MFN2: variants seen among roughly 807,000 people sequenced by gnomAD.
MFN2 encodes mitofusin 2, also known as mitofusin-2.
Under a neutral mutation model 87.5 loss-of-function variants are expected in MFN2, and 43 were observed. The observed-to-expected ratio is 0.49, with a 90% CI of 0.38 to 0.63. MFN2 has a LOEUF of 0.63. Among genes scored for constraint, MFN2 ranks in the 30% least tolerant of loss-of-function variants. The pLI, the probability that MFN2 is intolerant of heterozygous loss-of-function variation, is 0.00. For synonymous variants in MFN2, 337 were observed against 359.9 expected (o/e 0.94, Z 0.72); for missense variants, 743 against 972.8 (o/e 0.76, Z 3.14).
chr1:11,985,541 A>G (rs1638365249), intron 2 of MFN2, among the ~76,000 whole-genome samples: 1 of 141,806 alleles, frequency 7.1e-6, no homozygotes, highest in African/African-American at 2.7e-5. Context: ...ATCTTGGCTC[A>G]CTGCAAATTC....
intron 17 of MFN2, among the ~76,000 whole-genome samples, chr1:12,008,347 T>C (rs1292327974): frequency 6.7e-6 from 1 of 149,638 alleles, no homozygotes; most frequent in Non-Finnish European, 1.5e-5. Flanking sequence ...GCCCCCCACC[T>C]CCCGGATGGG....
intron 14 of MFN2, 60 bp from the exon 15 acceptor site, chr1:12,005,651 G>A: frequency 6.6e-7 from 1 of 1,525,106 alleles, no homozygotes; most frequent in Non-Finnish European, 9.1e-7. Flanking sequence ...TCCAAGGCTT[G>A]GTGCCGCTGT....
chr1:12,009,181 G>C (rs1013484473), intron 17 of MFN2, among the ~76,000 whole-genome samples: 1 of 152,168 alleles, frequency 6.6e-6, no homozygotes, highest in African/African-American at 2.4e-5. Flanking sequence ...GCATCAGAGG[G>C]AGACCGTGGA....
At chr1:12,009,501 G>A (rs772303591) in intron 17 of MFN2, 91 bp from the exon 18 acceptor site, 74 of 1,574,134 alleles carry the variant, frequency 4.7e-5, no homozygotes, top group Non-Finnish European at 6.1e-5. Context: ...GATATAGACA[G>A]GCCCAGCTGC....
rs188643967 is a variant in MFN2, at chr1:12,013,335, C to T, written c.*1770C>T. 30 of 470,886 alleles carry T rather than the reference C, an allele frequency of 6.4e-5. No individual in the cohort carries two copies. Among genetic ancestry groups the T allele is most frequent in the African/African-American group, 5.4e-4 (27 of 50,130 alleles). 29.2% of individuals were successfully genotyped at this position (470,886 alleles called of 1,614,324 possible). A position where few individuals can be genotyped will look rare whatever the true frequency, so the allele number is the denominator to read the frequency against. ...AGACCCTTTCTGAAAGAAGTATGGCCAAAAGCACTTTAATGCTGCTGACAT... is the reference window on the plus strand; with the variant it reads ...AGACCCTTTCTGAAAGAAGTATGGCTAAAAGCACTTTAATGCTGCTGACAT... On this transcript the variant is annotated 3_prime_UTR_variant, in exon 19 of 19. Transcript: ENST00000235329.
rs536007087 is a variant in MFN2 at position 11,997,386 on chromosome 1, C to T, written c.564C>T (p.Cys188=). 1.1e-4 allele frequency: 184 copies of T among 1,614,166 alleles called. 2 individuals are homozygous for T. The South Asian group carries it at 1.9e-3, about 16-fold the overall frequency. The part of the protein sequence containing the change: ...LVSVMWPNSK[C]PLLKDDLVLM... ...GTGTGATGTGGCCCAACTCTAAGTG[C>T]CCACTTCTGAAGGATGACCTCGTTT... The change falls in exon 6 of 19, where the codon TGC becomes TGT. Residue 188 remains cysteine, a synonymous_variant. Transcript: ENST00000235329.
intron 1 of MFN2, 101 bp downstream of exon 1, chr1:11,980,585 G>A (rs74371876): frequency 0.012 from 4,933 of 396,952 alleles, 229 homozygotes; most frequent in African/African-American, 0.091. Flanking sequence ...GGGCCACGGG[G>A]GTCTGGGATG....
chr1:11,995,108 C>T (rs780421567), intron 4 of MFN2, among the ~76,000 whole-genome samples: 3 of 151,734 alleles, frequency 2.0e-5, no homozygotes, highest in South Asian at 4.2e-4. Flanking sequence ...TGGGCGTGGT[C>T]GCAGCTATAG....
chr1:12,005,323 T>C (rs1011094556), intron 14 of MFN2, among the ~76,000 whole-genome samples: 1 of 152,228 alleles, frequency 6.6e-6, no homozygotes, highest in Non-Finnish European at 1.5e-5. Context: ...CCTCAAGTGA[T>C]CTATCTGCCT....
intron 17 of MFN2, among the ~76,000 whole-genome samples, chr1:12,009,080 G>C (rs987263535): frequency 3.3e-5 from 5 of 152,214 alleles, no homozygotes; most frequent in Admixed American, 6.5e-5. Context: ...CGCGCCTGCA[G>C]TCGCAGGCAC....
intron 11 of MFN2, among the ~76,000 whole-genome samples, chr1:12,002,661 C>T (rs1639230129): frequency 6.6e-6 from 1 of 152,206 alleles, no homozygotes; most frequent in African/African-American, 2.4e-5. Context: ...GCACTCCAGC[C>T]TGGGCAACAG....
chr1:11,994,302 A>G lies in MFN2; in HGVS notation c.311+1612A>G, dbSNP rs540970204. On this transcript the variant is annotated intron_variant, in intron 4 of 18. Transcript: ENST00000235329. ...ACTAGGCCAAACATTTATAACTTGT[A>G]TAATGACCAGGCACGGTGGCTCACG... Among the ~76,000 whole-genome samples, 4 of 152,332 alleles carry G rather than the reference A, an allele frequency of 2.6e-5. No individual in the cohort carries two copies. In the East Asian group the frequency reaches 5.8e-4, roughly 22 times the overall value.
rs138724074 is a variant in MFN2, at chr1:12,006,648, C to T, written c.1827C>T (p.Ser609=). The change falls in exon 16 of 19, where the codon TCC becomes TCT. Residue 609 remains serine (S), a synonymous_variant. Coordinates refer to ENST00000235329, the MANE Select transcript of MFN2 (RefSeq NM_014874.4). ...FMVSMVTGLA[S]LTSRTSMGIL... ...TTTCCATGGTTACCGGCCTGGCCTC[C>T]TTGACATCCAGGACCTCCATGGGCA... 828 of 1,614,134 alleles carry T rather than the reference C, an allele frequency of 5.1e-4. 1 individual carries two copies. The highest frequency in any genetic ancestry group is 2.8e-3 in the Middle Eastern group (17 of 6,062).
chr1:12,001,884 C>T (rs1375551855), intron 10 of MFN2, 48 bp downstream of exon 10: 2 of 1,613,668 alleles, frequency 1.2e-6, no homozygotes, highest in East Asian at 2.2e-5. Flanking sequence ...CTCCCCAGCT[C>T]CCATTGGCTG....
intron 2 of MFN2, among the ~76,000 whole-genome samples, chr1:11,986,321 A>C (rs1241810263): frequency 1.3e-5 from 2 of 151,996 alleles, no homozygotes; most frequent in Non-Finnish European, 2.9e-5. Flanking sequence ...CAATCTAGAG[A>C]GAGTGAGCTT....
At chr1:11,999,771 G>C (rs1639090030) in intron 8 of MFN2, among the ~76,000 whole-genome samples, 1 of 152,100 alleles carries the variant, frequency 6.6e-6, no homozygotes, top group African/African-American at 2.4e-5. Context: ...AAACCACCTT[G>C]GGCGACGTAG....
At chr1:11,985,774 C>T (rs1569786328) in intron 2 of MFN2, among the ~76,000 whole-genome samples, 1 of 152,070 alleles carries the variant, frequency 6.6e-6, no homozygotes, top group Admixed American at 6.6e-5. Flanking sequence ...GACCCCTGAT[C>T]CCTTTTCTAT....
intron 2 of MFN2, among the ~76,000 whole-genome samples, chr1:11,985,634 T>A (rs1458433135): frequency 1.3e-5 from 2 of 151,888 alleles, no homozygotes; most frequent in Non-Finnish European, 2.9e-5. Context: ...ACCCAGCTAA[T>A]TTTTTGTATT....
chr1:11,980,556 G>C (rs1645963818), intron 1 of MFN2, 72 bp downstream of exon 1: 1 of 397,604 alleles, frequency 2.5e-6, no homozygotes, highest in African/African-American at 2.1e-5. Context: ...GCAGCTCGGC[G>C]TGGGCCGACG....
Sources: gnomAD v4.1 joint callset for allele counts (sites outside exome capture counted in the v4.1 genomes callset) on GRCh38, gnomAD v4.1.1 for gene constraint, MANE v1.5 for transcripts, NCBI Gene and HGNC (gene_info 2026-07-23, HGNC 2026-07-21) for gene names.